The following BRINP3 variants were observed in gnomAD, a reference collection of about 807,000 sequenced individuals.
BRINP3 encodes BMP/retinoic acid-inducible neural-specific protein 3.
A neutral mutation model predicts 71.0 loss-of-function variants in BRINP3; 19 were observed. That is an observed-to-expected ratio of 0.27 (90% CI 0.19 to 0.39). The LOEUF (loss-of-function observed/expected upper bound fraction) is 0.39, where lower values mean the gene tolerates loss of function less well. BRINP3 is among the 10% of genes least tolerant of loss of function. The pLI, the probability that BRINP3 is intolerant of heterozygous loss-of-function variation, is 1.00. For missense variants in BRINP3, 959 were observed against 940.8 expected, an observed-to-expected ratio of 1.02 and a Z score of -0.25; for synonymous variants, 380 against 337.7, an observed-to-expected ratio of 1.13 and a Z score of -1.37.
At chr1:190,209,416 T>A (rs566729188) in intron 6 of BRINP3, among the ~76,000 whole-genome samples, 3 of 152,124 alleles carry the variant, frequency 2.0e-5, no homozygotes, top group African/African-American at 7.2e-5. Flanking sequence ...AAGCATATCA[T>A]GCCTGCCAGG....
chr1:190,317,171 C>CAA (rs397862994), intron 2 of BRINP3, among the ~76,000 whole-genome samples: 7 of 77,178 alleles, frequency 9.1e-5, no homozygotes, highest in African/African-American at 1.4e-4. Flanking sequence ...GAGTCCATCT[C>CAA]AAAAAAAAAA....
chr1:190,263,016 TCTTA>T, intron 4 of BRINP3, among the ~76,000 whole-genome samples: 3 of 152,234 alleles, frequency 2.0e-5, no homozygotes. Context: ...CCTGTATATT[TCTTA>T]CTTAGAGTAC....
chr1:190,310,400 C>A (rs1465833611), intron 2 of BRINP3, among the ~76,000 whole-genome samples: 1 of 151,554 alleles, frequency 6.6e-6, no homozygotes, highest in Admixed American at 6.6e-5. Flanking sequence ...TCAAATACAA[C>A]AAAGTTAAAC....
intron 4 of BRINP3, among the ~76,000 whole-genome samples, chr1:190,245,228 G>A (rs1186910808): frequency 6.6e-6 from 1 of 150,430 alleles, no homozygotes; most frequent in East Asian, 1.9e-4. Flanking sequence ...TATAGAAACT[G>A]TTCTGTCATT....
chr1:190,346,319 A>T (rs1668019727), intron 2 of BRINP3, among the ~76,000 whole-genome samples: 1 of 152,206 alleles, frequency 6.6e-6, no homozygotes, highest in South Asian at 2.1e-4. Context: ...AAATAATGGG[A>T]ACACTCAAAG....
chr1:190,127,527 G>A (rs1654187102), intron 7 of BRINP3, among the ~76,000 whole-genome samples: 1 of 151,784 alleles, frequency 6.6e-6, no homozygotes, highest in African/African-American at 2.4e-5. Context: ...CTTTCTAAAA[G>A]TTACATGAGT....
intron 2 of BRINP3, among the ~76,000 whole-genome samples, chr1:190,358,049 T>TA: frequency 6.6e-6 from 1 of 152,174 alleles, no homozygotes; most frequent in East Asian, 1.9e-4. Context: ...CCTAAAACCA[T>TA]AAAAACCCTA....
chr1:190,139,695 T>C (rs1358367939), intron 7 of BRINP3, among the ~76,000 whole-genome samples: 3 of 152,114 alleles, frequency 2.0e-5, no homozygotes, highest in African/African-American at 7.2e-5. Flanking sequence ...AATGTGACTT[T>C]ATTGCTGAAT....
At position 190,318,686 on chromosome 1, in the gene BRINP3, C is replaced by T. The variant is rs543161382; in HGVS notation, c.237-36936G>A. 3.3e-5 allele frequency among the ~76,000 whole-genome samples: 5 copies of T among 151,798 alleles called. No individual in the cohort carries two copies. The South Asian group carries it at 8.3e-4, about 25-fold the overall frequency. ...ATTTCACAGAGATTTTTTTTTTCCA[C>T]TTGATCCCTGAATTATGAAGCTGGG... On this transcript the variant is annotated intron_variant, in intron 2 of 7. Transcript: ENST00000367462.
intron 2 of BRINP3, among the ~76,000 whole-genome samples, chr1:190,282,504 A>C (rs1663117140): frequency 6.6e-6 from 1 of 152,034 alleles, no homozygotes. Context: ...GTCCAATAAA[A>C]TTCTCAAATA....
At chr1:190,416,462 T>C (rs1249631597) in intron 2 of BRINP3, among the ~76,000 whole-genome samples, 1 of 152,100 alleles carries the variant, frequency 6.6e-6, no homozygotes, top group South Asian at 2.1e-4. Context: ...GCTAGCACAT[T>C]GTGTGTGCTC....
intron 7 of BRINP3, 26 bp downstream of exon 7, chr1:190,160,642 T>C: frequency 6.3e-7 from 1 of 1,587,352 alleles, no homozygotes; most frequent in Non-Finnish European, 8.6e-7. Context: ...TAAACTTAAT[T>C]GCTTACATTA....
At chr1:190,213,750 C>T (rs1656180885) in intron 6 of BRINP3, among the ~76,000 whole-genome samples, 1 of 151,682 alleles carries the variant, frequency 6.6e-6, no homozygotes, top group Non-Finnish European at 1.5e-5. Flanking sequence ...TAAAATTGCA[C>T]AATTGAAATG....
intron 6 of BRINP3, among the ~76,000 whole-genome samples, chr1:190,195,986 C>A (rs1654443972): frequency 6.6e-6 from 1 of 152,080 alleles, no homozygotes; most frequent in Non-Finnish European, 1.5e-5. Flanking sequence ...TGTAAGATAA[C>A]TGTTGGCAGT....
At chr1:190,474,147 T>A (rs1246272449) in intron 1 of BRINP3, among the ~76,000 whole-genome samples, 1 of 152,208 alleles carries the variant, frequency 6.6e-6, no homozygotes, top group African/African-American at 2.4e-5. Context: ...CCTTCCCATT[T>A]CTTCCTCTAA....
intron 6 of BRINP3, among the ~76,000 whole-genome samples, chr1:190,213,330 A>G (rs1489240823): frequency 6.6e-6 from 1 of 152,036 alleles, no homozygotes; most frequent in Non-Finnish European, 1.5e-5. Context: ...CCAATACACA[A>G]CAGACAAGTG....
chr1:190,257,872 C>A (rs1018664343), intron 4 of BRINP3, among the ~76,000 whole-genome samples: 1 of 152,140 alleles, frequency 6.6e-6, no homozygotes, highest in Admixed American at 6.5e-5. Context: ...CAGAGGGGCA[C>A]CCACCTGTAT....
At chr1:190,139,451 C>CA (rs11315431) in intron 7 of BRINP3, among the ~76,000 whole-genome samples, 1,084 of 87,108 alleles carry the variant, frequency 0.012, 11 homozygotes, top group Middle Eastern at 0.054. Context: ...GACTCTGTCT[C>CA]AAAAAAAAAA....
At chr1:190,272,904 C>A (rs1008471322) in intron 3 of BRINP3, among the ~76,000 whole-genome samples, 1 of 151,440 alleles carries the variant, frequency 6.6e-6, no homozygotes, top group Admixed American at 6.6e-5. Flanking sequence ...CCCTTACTTA[C>A]AACAGAGCAC....
Sources: allele counts gnomAD v4.1 joint callset (sites outside exome capture counted in the v4.1 genomes callset), GRCh38; gene constraint gnomAD v4.1.1; transcripts MANE v1.5; gene names NCBI Gene and HGNC (gene_info 2026-07-23, HGNC 2026-07-21).